The following DNAJC5B variants were observed in gnomAD, a reference collection of about 807,000 sequenced individuals.
DNAJC5B encodes the protein DnaJ heat shock protein family (Hsp40) member C5 beta.
In DNAJC5B, 23 loss-of-function variants were observed where a neutral mutation model predicts 24.7. The ratio of observed to expected loss-of-function variants is 0.93; its 90% confidence interval spans 0.67 to 1.32. The LOEUF (loss-of-function observed/expected upper bound fraction) is 1.32. Ranked by LOEUF, DNAJC5B falls within the 40% of genes most tolerant of loss-of-function variation. The probability of loss-of-function intolerance (pLI) is 0.00; values close to 1 mark genes in which losing one functional copy is unlikely to be tolerated. For missense variants in DNAJC5B, 238 were observed against 240.8 expected, an observed-to-expected ratio of 0.99 and a Z score of 0.08; for synonymous variants, 101 against 90.1, an observed-to-expected ratio of 1.12 and a Z score of -0.68.
At chr8:66,029,208 C>T (rs1226483023) in intron 1 of DNAJC5B, among the ~76,000 whole-genome samples, 3 of 152,164 alleles carry the variant, frequency 2.0e-5, no homozygotes, top group Non-Finnish European at 4.4e-5. Flanking sequence ...TGACCCTTTG[C>T]GCTGAAGGAG....
upstream of DNAJC5B, among the ~76,000 whole-genome samples, chr8:66,019,360 A>G (rs189412478): frequency 1.3e-5 from 2 of 152,172 alleles, no homozygotes; most frequent in Non-Finnish European, 2.9e-5. Context: ...TCTTTTTTCC[A>G]TTGAACCTTT....
intron 1 of DNAJC5B, among the ~76,000 whole-genome samples, chr8:66,024,148 A>T (rs1481340175): frequency 6.6e-6 from 1 of 152,198 alleles, no homozygotes; most frequent in East Asian, 1.9e-4. Context: ...GATTTTCCAT[A>T]TGTTTCTGGT....
chr8:66,034,140 T>G (rs77721722), intron 1 of DNAJC5B, among the ~76,000 whole-genome samples: 8,356 of 151,786 alleles, frequency 0.055, 334 homozygotes, highest in Middle Eastern at 0.11. Flanking sequence ...GAACACACTT[T>G]GTTAACAAGG....
intron 1 of DNAJC5B, among the ~76,000 whole-genome samples, chr8:66,023,371 C>T (rs1806184270): frequency 6.6e-6 from 1 of 152,126 alleles, no homozygotes; most frequent in Admixed American, 6.5e-5. Context: ...AGCCTCTGCA[C>T]CTCCATACAA....
Position 66,072,272 on chromosome 8 carries a change from C to T in DNAJC5B, c.120-4388C>T, listed in dbSNP as rs1807368105. Among the ~76,000 whole-genome samples the T allele has an allele frequency of 2.0e-5, 3 of 151,960 alleles. No homozygotes were observed. The South Asian group carries it at 6.2e-4, about 32-fold the overall frequency. ...TCTAAAACACATGGCCTAAAATATA[C>T]AAAACAAAGAGTTGGCAGAACTTTA... is the stretch of plus-strand genomic sequence containing the variant. On this transcript the variant is annotated intron_variant, in intron 3 of 5. Coordinates refer to ENST00000276570, the MANE Select transcript of DNAJC5B (RefSeq NM_033105.6).
intron 2 of DNAJC5B, among the ~76,000 whole-genome samples, chr8:66,045,801 C>T (rs1392908993): frequency 2.0e-5 from 3 of 152,264 alleles, no homozygotes; most frequent in Non-Finnish European, 4.4e-5. Flanking sequence ...CTGCTTTCCT[C>T]ACACAGGAAA....
chr8:66,097,501 T>C (rs1807979866), intron 5 of DNAJC5B, among the ~76,000 whole-genome samples: 1 of 152,006 alleles, frequency 6.6e-6, no homozygotes, highest in African/African-American at 2.4e-5. Context: ...GCTTTGTATA[T>C]TCAATAATTA....
chr8:66,079,457 G>A (rs28702525), intron 4 of DNAJC5B, among the ~76,000 whole-genome samples: 6,161 of 152,260 alleles, frequency 0.04, 428 homozygotes, highest in African/African-American at 0.14. Context: ...GGCAGGATCA[G>A]GAAAGATGTC....
At chr8:66,090,109 C>T (rs1807814408) in intron 5 of DNAJC5B, among the ~76,000 whole-genome samples, 1 of 152,030 alleles carries the variant, frequency 6.6e-6, no homozygotes, top group African/African-American at 2.4e-5. Flanking sequence ...TTTTAAAAAG[C>T]TCACTTAGAC....
intron 1 of DNAJC5B, among the ~76,000 whole-genome samples, chr8:66,030,510 C>T (rs967960366): frequency 1.3e-5 from 2 of 152,212 alleles, no homozygotes; most frequent in Non-Finnish European, 2.9e-5. Context: ...TCACAATGGA[C>T]TTGCTGTGTC....
intron 5 of DNAJC5B, among the ~76,000 whole-genome samples, chr8:66,080,983 G>A (rs527616230): frequency 7.9e-5 from 12 of 152,234 alleles, no homozygotes; most frequent in South Asian, 2.1e-4. Context: ...ACCAACCCTT[G>A]ACTTTGCTTC....
intron 3 of DNAJC5B, among the ~76,000 whole-genome samples, chr8:66,068,098 A>T (rs1374160646): frequency 1.3e-5 from 2 of 152,202 alleles, no homozygotes; most frequent in African/African-American, 2.4e-5. Context: ...AAATAAAAAC[A>T]CTTTCTGGTT....
chr8:66,026,811 G>T (rs1806254007), intron 1 of DNAJC5B, among the ~76,000 whole-genome samples: 1 of 152,258 alleles, frequency 6.6e-6, no homozygotes, highest in Non-Finnish European at 1.5e-5. Context: ...TGCATGGGGA[G>T]TCAAGTCCTT....
intron 2 of DNAJC5B, among the ~76,000 whole-genome samples, chr8:66,049,719 T>C (rs1175711372): frequency 1.3e-5 from 2 of 152,226 alleles, no homozygotes; most frequent in Non-Finnish European, 2.9e-5. Flanking sequence ...TGTAGTAGAT[T>C]ATCTTCAGTA....
At chr8:66,031,764 A>G (rs1276834000) in intron 1 of DNAJC5B, among the ~76,000 whole-genome samples, 1 of 152,088 alleles carries the variant, frequency 6.6e-6, no homozygotes, top group Non-Finnish European at 1.5e-5. Flanking sequence ...GATGATGGCC[A>G]CTCACAGTGA....
intron 1 of DNAJC5B, among the ~76,000 whole-genome samples, chr8:66,022,128 G>A (rs929692901): frequency 3.3e-5 from 5 of 152,226 alleles, no homozygotes; most frequent in African/African-American, 9.6e-5. Context: ...CCTATAAAGA[G>A]TAAAAGAGAA....
At chr8:66,055,252 A>G (rs2128960411) in intron 3 of DNAJC5B, among the ~76,000 whole-genome samples, 1 of 152,360 alleles carries the variant, frequency 6.6e-6, no homozygotes, top group East Asian at 1.9e-4. Flanking sequence ...TCCCTAAATT[A>G]CACATTTGTA....
intron 5 of DNAJC5B, among the ~76,000 whole-genome samples, chr8:66,097,037 T>C (rs980336176): frequency 6.6e-6 from 1 of 152,088 alleles, no homozygotes; most frequent in Admixed American, 6.5e-5. Flanking sequence ...ATGGTTATAA[T>C]AACAACCCTA....
intron 2 of DNAJC5B, among the ~76,000 whole-genome samples, chr8:66,047,759 G>T (rs936812566): frequency 6.6e-6 from 1 of 152,166 alleles, no homozygotes; most frequent in African/African-American, 2.4e-5. Flanking sequence ...TAGGATTCCA[G>T]CCCCTGAGGA....
Sources: allele counts gnomAD v4.1 joint callset (sites outside exome capture counted in the v4.1 genomes callset), GRCh38; gene constraint gnomAD v4.1.1; transcripts MANE v1.5; gene names NCBI Gene and HGNC (gene_info 2026-07-23, HGNC 2026-07-21).